PPARG: variants seen among roughly 807,000 people sequenced by gnomAD.
The protein encoded by PPARG is peroxisome proliferator activated receptor gamma.
PPARG carries 17 observed loss-of-function variants against 39.2 expected under a neutral mutation model. That is an observed-to-expected ratio of 0.43 (90% CI 0.30 to 0.65). The LOEUF (loss-of-function observed/expected upper bound fraction) is 0.65, where lower values mean the gene tolerates loss of function less well. PPARG is among the 30% of genes least tolerant of loss of function. The pLI is 0.13. For missense variants in PPARG, 406 were observed against 585.9 expected (o/e 0.69, Z 3.17); for synonymous variants, 223 against 215.7 (o/e 1.03, Z -0.30).
At chr3:12,303,192 G>A (rs775248370) in intron 1 of PPARG, among the ~76,000 whole-genome samples, 1 of 151,938 alleles carries the variant, frequency 6.6e-6, no homozygotes, top group Non-Finnish European at 1.5e-5. Flanking sequence ...ACTGACTCCT[G>A]TAGGGCAGTC....
chr3:12,301,231 G>A (rs111837232), intron 1 of PPARG, among the ~76,000 whole-genome samples: 3,746 of 152,272 alleles, frequency 0.025, 78 homozygotes, highest in Non-Finnish European at 0.034. Context: ...GCATTGTTTT[G>A]CATTCTTGTT....
chr3:12,364,734 A>G (rs2048960846), intron 2 of PPARG, among the ~76,000 whole-genome samples: 1 of 152,160 alleles, frequency 6.6e-6, no homozygotes, highest in African/African-American at 2.4e-5. Flanking sequence ...GATTTTAGCC[A>G]TTCTATTTGT....
intron 2 of PPARG, among the ~76,000 whole-genome samples, chr3:12,328,793 C>G (rs2047766139): frequency 6.6e-6 from 1 of 152,216 alleles, no homozygotes; most frequent in South Asian, 2.1e-4. Flanking sequence ...CTACATGTAG[C>G]AGACAGAAGA....
chr3:12,308,908 G>A (rs1052660613), intron 1 of PPARG, among the ~76,000 whole-genome samples: 9 of 152,280 alleles, frequency 5.9e-5, no homozygotes, highest in Admixed American at 3.9e-4. Context: ...AGTGGGTTGA[G>A]GAGTGAAATA....
intron 2 of PPARG, among the ~76,000 whole-genome samples, chr3:12,341,746 T>A (rs1299718956): frequency 3.9e-5 from 6 of 152,036 alleles, no homozygotes; most frequent in African/African-American, 1.4e-4. Context: ...GAGTCAGAGG[T>A]TGCGGTGAGC....
chr3:12,367,407 T>C (rs1015709962), intron 2 of PPARG, among the ~76,000 whole-genome samples: 1 of 152,176 alleles, frequency 6.6e-6, no homozygotes, highest in African/African-American at 2.4e-5. Flanking sequence ...AGTTTGACCA[T>C]AATGAATTTT....
At chr3:12,384,547 T>A (rs779622879) in intron 4 of PPARG, among the ~76,000 whole-genome samples, 22 of 152,100 alleles carry the variant, frequency 1.4e-4, no homozygotes, top group Non-Finnish European at 2.5e-4. Context: ...CCTACTCAGG[T>A]TTTCTCATCT....
intron 1 of PPARG, among the ~76,000 whole-genome samples, chr3:12,302,101 C>T (rs1308229739): frequency 6.6e-6 from 1 of 152,168 alleles, no homozygotes; most frequent in Non-Finnish European, 1.5e-5. Context: ...AGAACAAATG[C>T]TACAGAAATT....
chr3:12,431,988 T>G (rs1356552537), intron 7 of PPARG, among the ~76,000 whole-genome samples: 2 of 152,170 alleles, frequency 1.3e-5, no homozygotes, highest in East Asian at 3.8e-4. Flanking sequence ...TTTCATATTC[T>G]AAGACAATAT....
Position 12,316,254 on chromosome 3 carries a change from G to C in PPARG, c.-9+3801G>C, listed in dbSNP as rs1307207724. On this transcript the variant is annotated intron_variant, in intron 2 of 7. Transcript: ENST00000651735. ...AGCATTTTGACATGAAAAATGAAATGTGAAGTATTTGGAATTCAACCCTGA... is the reference window on the plus strand; with the variant it reads ...AGCATTTTGACATGAAAAATGAAATCTGAAGTATTTGGAATTCAACCCTGA... 2.0e-5 allele frequency among the ~76,000 whole-genome samples: 3 copies of C among 152,198 alleles called. No homozygotes were observed. In the East Asian group the frequency reaches 5.8e-4, roughly 29 times the overall value.
At chr3:12,334,933 C>G (rs916118190) in intron 2 of PPARG, among the ~76,000 whole-genome samples, 1 of 152,078 alleles carries the variant, frequency 6.6e-6, no homozygotes, top group African/African-American at 2.4e-5. Flanking sequence ...CTTTTACTTA[C>G]GACTACGGAT....
chr3:12,335,605 A>G (rs2047988251), intron 2 of PPARG, among the ~76,000 whole-genome samples: 1 of 152,216 alleles, frequency 6.6e-6, no homozygotes, highest in Non-Finnish European at 1.5e-5. Context: ...GTTGCTTGAA[A>G]AGTGGCCAGA....
At chr3:12,309,137 T>C (rs1040077337) in intron 1 of PPARG, among the ~76,000 whole-genome samples, 4 of 152,214 alleles carry the variant, frequency 2.6e-5, no homozygotes, top group Non-Finnish European at 5.9e-5. Context: ...GGGAACAAGT[T>C]ATCTATAGAA....
At chr3:12,373,306 G>A in intron 2 of PPARG, among the ~76,000 whole-genome samples, 1 of 152,122 alleles carries the variant, frequency 6.6e-6, no homozygotes, top group East Asian at 1.9e-4. Flanking sequence ...AGGGCAGGGG[G>A]GAAGGGGAAA....
At chr3:12,414,495 A>G (rs1188265695) in intron 6 of PPARG, among the ~76,000 whole-genome samples, 1 of 152,160 alleles carries the variant, frequency 6.6e-6, no homozygotes, top group Non-Finnish European at 1.5e-5. Context: ...GAAAGTAAAT[A>G]TTTCATTAAT....
intron 2 of PPARG, among the ~76,000 whole-genome samples, chr3:12,378,648 T>C (rs186710111): frequency 2.2e-4 from 33 of 152,042 alleles, no homozygotes; most frequent in Admixed American, 3.3e-4. Flanking sequence ...GTGAGTAAAA[T>C]GGTGGTTGCC....
At chr3:12,335,843 A>G (rs1273975860) in intron 2 of PPARG, among the ~76,000 whole-genome samples, 1 of 152,156 alleles carries the variant, frequency 6.6e-6, no homozygotes, top group East Asian at 1.9e-4. Context: ...GGGAAAAAAA[A>G]AAAAAACAAG....
intron 1 of PPARG, among the ~76,000 whole-genome samples, chr3:12,294,917 A>G (rs1240967150): frequency 6.6e-6 from 1 of 152,204 alleles, no homozygotes; most frequent in East Asian, 1.9e-4. Context: ...TTATTATTAT[A>G]CATACTTAAT....
chr3:12,381,505 A>C lies in PPARG; in HGVS notation c.390+14A>C, dbSNP rs1318613825. On this transcript the variant is annotated intron_variant, in intron 4 of 7. Transcript: ENST00000651735. The stretch of plus-strand genomic sequence containing the variant: ...GAAGGATGCAAGGTAATTAAAAAAA[A>C]AGTCTTCAAAGAAATTGTTGAAACT... The C allele has an allele frequency of 6.2e-7, 1 of 1,611,962 alleles. No homozygotes were observed. The highest frequency in any genetic ancestry group is 1.7e-5 in the Admixed American group (1 of 59,868).
Sources: gnomAD v4.1 joint callset for allele counts (sites outside exome capture counted in the v4.1 genomes callset) on GRCh38, gnomAD v4.1.1 for gene constraint, MANE v1.5 for transcripts, NCBI Gene and HGNC (gene_info 2026-07-23, HGNC 2026-07-21) for gene names.